The following VAT1 variants were observed in gnomAD, a reference collection of about 807,000 sequenced individuals.
The protein encoded by VAT1 is NADPH-dependent quinone oxidoreductase VAT1.
A neutral mutation model predicts 33.3 loss-of-function variants in VAT1; 24 were observed. The observed-to-expected ratio is 0.72, with a 90% CI of 0.52 to 1.01. The LOEUF (loss-of-function observed/expected upper bound fraction) is 1.01, where lower values mean the gene tolerates loss of function less well. Among genes scored for constraint, VAT1 ranks in the 50% least tolerant of loss-of-function variants. The pLI, the probability that VAT1 is intolerant of heterozygous loss-of-function variation, is 0.00. For synonymous variants in VAT1, 212 were observed against 225.0 expected, an observed-to-expected ratio of 0.94 and a Z score of 0.52; for missense variants, 436 against 533.7, an observed-to-expected ratio of 0.82 and a Z score of 1.80.
chr17:43,019,503 T>C (rs2050548201), intron 1 of VAT1: 2 of 152,336 alleles, frequency 1.3e-5, no homozygotes, highest in South Asian at 4.1e-4. Flanking sequence ...TGTGGTCACC[T>C]CGGGAGAAGT....
intron 1 of VAT1, 113 bp downstream of exon 1, chr17:43,021,823 A>C (rs2050571746): frequency 3.4e-6 from 5 of 1,490,456 alleles, no homozygotes; most frequent in African/African-American, 2.8e-5. Context: ...ACGCTCGTGC[A>C]CCCAGGTCCG....
At position 43,017,732 on chromosome 17, in the gene VAT1, C is replaced by T. The variant is rs1453916060; in HGVS notation, c.856+109G>A. On this transcript the variant is annotated intron_variant, in intron 4 of 5. Transcript: ENST00000355653. Reference sequence around the variant, plus strand: ...CTAACCCTGATCGTCTACAGAGCACCTGAGTCCCTACCCCTTCTTCATTCA... The same window carrying T: ...CTAACCCTGATCGTCTACAGAGCACTTGAGTCCCTACCCCTTCTTCATTCA... 4 of 945,780 alleles carry T rather than the reference C, an allele frequency of 4.2e-6. No homozygotes were observed. The Admixed American group carries it at 8.5e-5, about 20-fold the overall frequency. The allele number at this position is 945,780 out of a possible 1,614,324, so 58.6% of individuals were successfully genotyped here.
chr17:43,015,782 G>A lies in VAT1; in HGVS notation c.*279C>T, dbSNP rs1304062753. ...CTAACCTTGGCACAAAAGCAGCACA[G>A]CAGGCCCGGGGAAAGGGTGGGGGCA... On this transcript the variant is annotated 3_prime_UTR_variant, in exon 6 of 6. Coordinates refer to ENST00000355653, the MANE Select transcript of VAT1 (RefSeq NM_006373.4). 4 of 517,522 alleles carry A rather than the reference G, an allele frequency of 7.7e-6. No individual in the cohort carries two copies. Among genetic ancestry groups the A allele is most frequent in the Non-Finnish European group, 1.4e-5 (4 of 287,806 alleles). The allele number at this position is 517,522 out of a possible 1,614,324, so 32.1% of individuals were successfully genotyped here. A position where few individuals can be genotyped will look rare whatever the true frequency, so the allele number is the denominator to read the frequency against.
rs2050510790 is a variant in VAT1 at position 43,015,243 on chromosome 17, G to A, written c.*818C>T. On this transcript the variant is annotated 3_prime_UTR_variant, in exon 6 of 6. Transcript: ENST00000355653. ...CAGTGTTGTGGGACTGGGGAGGAGA[G>A]AAACCCCAGCTCCACCAGAACAAGG... 6.6e-6 allele frequency: 1 copy of A among 152,656 alleles called. No individual in the cohort carries two copies. The highest frequency in any genetic ancestry group is 2.1e-4 in the South Asian group (1 of 4,820). 9.5% of individuals were successfully genotyped at this position (152,656 alleles called of 1,614,324 possible).
Position 43,015,631 on chromosome 17 carries a change from G to A in VAT1, c.*430C>T, listed in dbSNP as rs1393635301. On this transcript the variant is annotated 3_prime_UTR_variant, in exon 6 of 6. Coordinates refer to ENST00000355653, the MANE Select transcript of VAT1 (RefSeq NM_006373.4). ...CACTAGGGAGAGACAGGTACATGCT[G>A]GACTCACAGAGATTGGCCCCATATC... 8 of 227,580 alleles carry A rather than the reference G, an allele frequency of 3.5e-5. No individual in the cohort carries two copies. In the East Asian group the frequency reaches 9.0e-4, roughly 26 times the overall value. The allele number at this position is 227,580 out of a possible 1,614,324, so 14.1% of individuals were successfully genotyped here.
At chr17:43,017,605 GAA>G (rs1224538567) in intron 4 of VAT1, among the ~76,000 whole-genome samples, 1 of 104,514 alleles carries the variant, frequency 9.6e-6, no homozygotes, top group Non-Finnish European at 2.0e-5. Flanking sequence ...AAAAAAAAAA[GAA>G]TGTAGAATTT....
chr17:43,016,782 C>G (rs1288238999), intron 4 of VAT1, among the ~76,000 whole-genome samples: 2 of 152,060 alleles, frequency 1.3e-5, no homozygotes, highest in Non-Finnish European at 2.9e-5. Context: ...CTCTGGGAAG[C>G]CAAGGTGGGG....
Position 43,022,026 on chromosome 17 carries a change from C to A in VAT1, c.297G>T (p.Leu99=). 6.2e-7 allele frequency: 1 copy of A among 1,606,684 alleles called. No homozygotes were observed. Among genetic ancestry groups the A allele is most frequent in the Non-Finnish European group, 8.5e-7 (1 of 1,178,164 alleles). The change falls in exon 1 of 6, where the codon CTG becomes CTT. Residue 99 remains leucine (L), a synonymous_variant. Coordinates refer to ENST00000355653, the MANE Select transcript of VAT1 (RefSeq NM_006373.4). ...NFADLMARQG[L]YDRLPPLPVT... Reference sequence around the variant, plus strand: ...CAGGCAGAGGCGGGAGACGGTCGTACAGCCCCTGCCTAGCCATGAGGTCTG... The same window carrying A: ...CAGGCAGAGGCGGGAGACGGTCGTAAAGCCCCTGCCTAGCCATGAGGTCTG...
chr17:43,020,889 A>G (rs1052695492), intron 1 of VAT1, among the ~76,000 whole-genome samples: 5 of 151,542 alleles, frequency 3.3e-5, no homozygotes, highest in Non-Finnish European at 5.9e-5. Context: ...AAAAAAAAAA[A>G]AAAAAAGAAA....
chr17:43,018,245 C>T (rs1441911825), intron 2 of VAT1, 39 bp from the exon 3 acceptor site: 1 of 1,582,068 alleles, frequency 6.3e-7, no homozygotes. Flanking sequence ...TATGGAGTTG[C>T]CCTGGCCACC....
At position 43,022,296 on chromosome 17, in the gene VAT1, C is replaced by T. The variant is rs1350257834; in HGVS notation, c.27G>A (p.Glu9=). Residue 9 remains glutamate (E), a synonymous_variant, in exon 1 of 6, where the codon GAG becomes GAA. Coordinates refer to ENST00000355653, the MANE Select transcript of VAT1 (RefSeq NM_006373.4). MSDEREVA[E]AATGEDASSP... Reference sequence around the variant, plus strand: ...AAGAGGCGTCTTCCCCGGTCGCTGCCTCGGCTACCTCTCTCTCGTCGGACA... The same window carrying T: ...AAGAGGCGTCTTCCCCGGTCGCTGCTTCGGCTACCTCTCTCTCGTCGGACA... 3 of 1,584,788 alleles carry T rather than the reference C, an allele frequency of 1.9e-6. No homozygotes were observed. Among genetic ancestry groups the T allele is most frequent in the East Asian group, 4.6e-5 (2 of 43,902 alleles).
intron 1 of VAT1, chr17:43,020,043 A>C (rs1483712549): frequency 4.2e-6 from 4 of 948,406 alleles, no homozygotes; most frequent in Middle Eastern, 5.4e-4. Flanking sequence ...GGGACTCAGG[A>C]CTAGCAGATA....
Position 43,016,497 on chromosome 17 carries a change from C to A in VAT1, c.908G>T (p.Arg303Leu), listed in dbSNP as rs764944133. The A allele has an allele frequency of 6.2e-7, 1 of 1,614,020 alleles. No individual in the cohort carries two copies. The highest frequency in any genetic ancestry group is 1.7e-5 in the Admixed American group (1 of 60,004). ...CACGCTGAACTGATTCCACCATGTCCGGGCCAGGGCCATCAGGTTCCGTTT... is the reference window on the plus strand; with the variant it reads ...CACGCTGAACTGATTCCACCATGTCAGGGCCAGGGCCATCAGGTTCCGTTT... The part of the protein sequence containing the change: ...GPKRNLMALA[R>L]TWWNQFSVTA... Residue 303 changes from arginine (R) to leucine (L), a missense_variant, in exon 5 of 6, where the codon CGG (arginine) becomes CTG (leucine). Around this residue, in one of 2 missense-constraint regions of VAT1, gnomAD observed 282 missense variants for 405.4 expected, o/e 0.70. Transcript: ENST00000355653.
At chr17:43,021,644 G>GTGCGCA (rs1021159312) in intron 1 of VAT1, among the ~76,000 whole-genome samples, 1 of 146,516 alleles carries the variant, frequency 6.8e-6, no homozygotes, top group Admixed American at 7.1e-5. Context: ...TAGTGTGGTT[G>GTGCGCA]TGCGCATGCG....
In VAT1 at chr17:43,022,287, G is replaced by A. The variant is rs1348175298; in HGVS notation, c.36C>T (p.Thr12=). 1.3e-6 allele frequency: 2 copies of A among 1,586,438 alleles called. No individual in the cohort carries two copies. Among genetic ancestry groups the A allele is most frequent in the Non-Finnish European group, 1.7e-6 (2 of 1,168,700 alleles). The change falls in exon 1 of 6, where the codon ACC becomes ACT. Residue 12 remains threonine, a synonymous_variant. Coordinates refer to ENST00000355653, the MANE Select transcript of VAT1 (RefSeq NM_006373.4). The stretch of plus-strand genomic sequence containing the variant: ...GAGGCGGCGAAGAGGCGTCTTCCCC[G>A]GTCGCTGCCTCGGCTACCTCTCTCT... ...SDEREVAEAA[T]GEDASSPPPK...
rs766806227 is a variant in VAT1 at position 43,022,137 on chromosome 17, C to T, written c.186G>A (p.Val62=). 1 of 1,561,660 alleles carries T rather than the reference C, an allele frequency of 6.4e-7. No individual in the cohort carries two copies. The highest frequency in any genetic ancestry group is 1.2e-5 in the South Asian group (1 of 85,990). Residue 62 remains valine (V), a synonymous_variant, in exon 1 of 6, where the codon GTG becomes GTA. Transcript: ENST00000355653. ...GCGCTGCCGGCCGGCTCTGCAGCTT[C>T]ACCTTGTCGTAGCCTCCAAAGCCGG... The part of the protein sequence containing the change: ...VLTGFGGYDK[V]KLQSRPAAPP...
chr17:43,016,184 A>G (rs779869599), intron 5 of VAT1, 40 bp from the exon 6 acceptor site: 2 of 1,613,586 alleles, frequency 1.2e-6, no homozygotes, highest in South Asian at 1.1e-5. Context: ...GTGCTATCCA[A>G]CCCTCATCCA....
chr17:43,020,132 G>A, intron 1 of VAT1: 1 of 985,422 alleles, frequency 1.0e-6, no homozygotes, highest in South Asian at 4.7e-5. Context: ...CCCAGAACAA[G>A]TCTCACTTAC....
rs755214397 is a variant in VAT1 at position 43,022,344 on chromosome 17, C to CGCACAGCTGGATGGAGAGT, written c.-41_-23dup. 13 of 1,538,054 alleles carry CGCACAGCTGGATGGAGAGT rather than the reference C, an allele frequency of 8.5e-6. No individual in the cohort carries two copies. Among genetic ancestry groups the CGCACAGCTGGATGGAGAGT allele is most frequent in the Middle Eastern group, 1.7e-4 (1 of 5,800 alleles). On this transcript the variant is annotated 5_prime_UTR_variant, in exon 1 of 6. Transcript: ENST00000355653. ...ACATGGCTGGGACTCCCGACGAGAG[C>CGCACAGCTGGATGGAGAGT]GCACAGCTGGATGGAGAGTGCACAG...
Sources: allele counts gnomAD v4.1 joint callset (sites outside exome capture counted in the v4.1 genomes callset), GRCh38; gene constraint gnomAD v4.1.1; regional missense constraint gnomAD v4.1.1; transcripts MANE v1.5; gene names NCBI Gene and HGNC (gene_info 2026-07-23, HGNC 2026-07-21).